Variants in CBLB observed in about 807,000 individuals in gnomAD.
CBLB encodes the protein Cbl proto-oncogene B.
In CBLB, 31 loss-of-function variants were observed where a neutral mutation model predicts 104.9. The ratio of observed to expected loss-of-function variants is 0.30; its 90% CI spans 0.22 to 0.40. CBLB has a LOEUF of 0.40. Ranked by LOEUF, CBLB falls within the 10% of genes least tolerant of loss-of-function variation. The pLI is 1.00. For synonymous variants in CBLB, 440 were observed against 422.6 expected (o/e 1.04, Z -0.51); for missense variants, 1,062 against 1,214.6 (o/e 0.87, Z 1.87).
At chr3:105,804,036 T>TTA (rs1369959978) in intron 3 of CBLB, among the ~76,000 whole-genome samples, 1 of 152,138 alleles carries the variant, frequency 6.6e-6, no homozygotes, top group East Asian at 1.9e-4. Context: ...GACTGCACAC[T>TTA]TAAACTGCCT....
intron 3 of CBLB, among the ~76,000 whole-genome samples, chr3:105,836,026 G>T (rs2088435483): frequency 6.6e-6 from 1 of 152,238 alleles, no homozygotes; most frequent in South Asian, 2.1e-4. Flanking sequence ...CAATATAAAG[G>T]TTACCTCGAG....
At chr3:105,868,128 A>G (rs1044864712) in intron 1 of CBLB, 2 of 819,796 alleles carry the variant, frequency 2.4e-6, no homozygotes, top group Non-Finnish European at 3.3e-6. Flanking sequence ...AGCGCAGGGC[A>G]TGTCCCACAC....
chr3:105,685,187 T>C (rs16851440), intron 14 of CBLB, 133 bp downstream of exon 14: 429,423 of 784,942 alleles, frequency 0.55, 122,142 homozygotes, highest in Middle Eastern at 0.68. Context: ...GGAAATGGTA[T>C]AATAGGAAGA....
At position 105,685,380 on chromosome 3, in the gene CBLB, G is replaced by A. The variant is rs2066883377; in HGVS notation, c.2141C>T (p.Ser714Phe). ...EDDDEYKIPS[S>F]HPVSLNSQPS... is the part of the protein sequence containing the mutation. ...TTGTGAATTCAGGGAAACAGGGTGG[G>A]ATGAAGGAATCTTGTATTCATCATC... The change falls in exon 14 of 19, where the codon TCC (serine) becomes TTC (phenylalanine). Residue 714 changes from serine to phenylalanine, a missense_variant. By Grantham distance (155) the Ser-to-Phe change is radical (BLOSUM62 -2). Coordinates refer to ENST00000394030, the MANE Select transcript of CBLB (RefSeq NM_170662.5). 6.2e-7 allele frequency: 1 copy of A among 1,612,822 alleles called. No individual in the cohort carries two copies. The highest frequency in any genetic ancestry group is 1.3e-5 in the African/African-American group (1 of 74,892).
intron 4 of CBLB, among the ~76,000 whole-genome samples, chr3:105,763,346 A>G (rs887079976): frequency 2.0e-5 from 3 of 152,234 alleles, no homozygotes; most frequent in South Asian, 2.1e-4. Context: ...GGGAGGGGCC[A>G]GTGGCAGAAT....
intron 3 of CBLB, among the ~76,000 whole-genome samples, chr3:105,843,392 A>G (rs2089819378): frequency 6.6e-6 from 1 of 152,198 alleles, no homozygotes; most frequent in African/African-American, 2.4e-5. Flanking sequence ...TTCTATGTGC[A>G]ATAGGGAAAA....
chr3:105,869,314 A>G, upstream of CBLB: 1 of 1,186,634 alleles, frequency 8.4e-7, no homozygotes, highest in Non-Finnish European at 1.1e-6. Context: ...GGACGAAGGG[A>G]TGCAAGGCAC....
At position 105,848,349 on chromosome 3, in the gene CBLB, C is replaced by T. The variant is rs139755090; in HGVS notation, c.419+5065G>A. Among the ~76,000 whole-genome samples the T allele has an allele frequency of 4.2e-3, 632 of 152,208 alleles. 5 individuals are homozygous for T. The highest frequency in any genetic ancestry group is 0.015 in the African/African-American group (611 of 41,564). On this transcript the variant is annotated intron_variant, in intron 3 of 18. Transcript: ENST00000394030. ...TTCACTGTGCCCTAAATATCTACTT[C>T]AGTAGCATATACAATTATGTGACTA... is the stretch of plus-strand genomic sequence containing the variant.
intron 3 of CBLB, among the ~76,000 whole-genome samples, chr3:105,780,670 T>TTTTTTTTTTTTTTTTTTTTTG (rs1560209728): frequency 2.2e-5 from 3 of 135,176 alleles, no homozygotes; most frequent in Non-Finnish European, 4.7e-5. Context: ...GTTTTTTTTT[T>TTTTTTTTTTTTTTTTTTTTTG]TTTTTTTTTT....
chr3:105,675,075 G>A (rs559937179), intron 17 of CBLB, among the ~76,000 whole-genome samples: 1 of 152,178 alleles, frequency 6.6e-6, no homozygotes, highest in African/African-American at 2.4e-5. Flanking sequence ...AAAAATGTAG[G>A]CTTGATTAGG....
At chr3:105,771,809 C>T (rs1490783767) in intron 4 of CBLB, among the ~76,000 whole-genome samples, 1 of 152,056 alleles carries the variant, frequency 6.6e-6, no homozygotes, top group African/African-American at 2.4e-5. Flanking sequence ...AAATAAAATA[C>T]TTAGGAATAT....
intron 17 of CBLB, chr3:105,672,280 A>G (rs1417994674): frequency 1.1e-5 from 2 of 182,074 alleles, no homozygotes; most frequent in Admixed American, 6.3e-5. Flanking sequence ...CCATTAAACT[A>G]TATTATTTAA....
intron 3 of CBLB, among the ~76,000 whole-genome samples, chr3:105,851,269 G>A (rs1016567312): frequency 6.6e-6 from 1 of 152,150 alleles, no homozygotes; most frequent in Non-Finnish European, 1.5e-5. Context: ...TTAGGTGACA[G>A]AAGCCAATCT....
At chr3:105,675,786 G>C (rs1022545093) in intron 17 of CBLB, among the ~76,000 whole-genome samples, 7 of 151,070 alleles carry the variant, frequency 4.6e-5, no homozygotes, top group Non-Finnish European at 8.8e-5. Context: ...TTAGGGGGTA[G>C]AGGCAGGAGA....
At chr3:105,828,515 G>C (rs1235081363) in intron 3 of CBLB, among the ~76,000 whole-genome samples, 1 of 152,086 alleles carries the variant, frequency 6.6e-6, no homozygotes, top group Non-Finnish European at 1.5e-5. Context: ...TATTAAGATA[G>C]ACGCCAAAAT....
chr3:105,685,324 C>G lies in CBLB; in HGVS notation c.2197G>C (p.Val733Leu), dbSNP rs535043797. Residue 733 changes from valine (V) to leucine (L), a missense_variant, in exon 14 of 19, where the codon GTT becomes CTT. By Grantham distance (32) the Val-to-Leu change is conservative. Around this residue, in one of 2 missense-constraint regions of CBLB, gnomAD observed 605 missense variants for 582.6 expected, o/e 1.04. Transcript: ENST00000394030. ...PSHCHNVKPPVRSCDNGHCML... is the reference protein window; with the variant it reads ...PSHCHNVKPPLRSCDNGHCML... ...AAAATCTGCCCATACTCTTACCGAA[C>G]AGGAGGTTTTACATTATGACAATGA... The G allele has an allele frequency of 2.5e-6, 4 of 1,613,706 alleles. No homozygotes were observed. The African/African-American group carries it at 5.3e-5, about 22-fold the overall frequency.
chr3:105,735,800 G>A (rs1264443402), intron 8 of CBLB, among the ~76,000 whole-genome samples: 1 of 152,050 alleles, frequency 6.6e-6, no homozygotes, highest in African/African-American at 2.4e-5. Flanking sequence ...ACAAAAATTA[G>A]CCGGAAGTGG....
At chr3:105,825,676 A>C (rs2086468383) in intron 3 of CBLB, among the ~76,000 whole-genome samples, 1 of 152,232 alleles carries the variant, frequency 6.6e-6, no homozygotes, top group Non-Finnish European at 1.5e-5. Flanking sequence ...CTCTTGCCTC[A>C]GCTTTTAGAG....
intron 3 of CBLB, among the ~76,000 whole-genome samples, chr3:105,852,868 C>T (rs758162042): frequency 6.6e-6 from 1 of 152,146 alleles, no homozygotes; most frequent in Non-Finnish European, 1.5e-5. Context: ...CAGGCGTGTG[C>T]CACCACGCCG....
Sources: gnomAD v4.1 joint callset for allele counts (sites outside exome capture counted in the v4.1 genomes callset) on GRCh38, gnomAD v4.1.1 for gene constraint, gnomAD v4.1.1 regional missense constraint, MANE v1.5 for transcripts, NCBI Gene and HGNC (gene_info 2026-07-23, HGNC 2026-07-21) for gene names.